ARF1: variants seen among roughly 807,000 people sequenced by gnomAD.
The protein encoded by ARF1 is ADP-ribosylation factor 1.
In ARF1, 1 loss-of-function variant was observed where a neutral mutation model predicts 18.0. The observed-to-expected ratio is 0.06, with a 90% CI of 0.02 to 0.26. The LOEUF is 0.26. Among genes scored for constraint, ARF1 ranks in the 10% least tolerant of loss-of-function variants. The pLI is 1.00. For synonymous variants in ARF1, 112 were observed against 96.3 expected (o/e 1.16, Z -0.95); for missense variants, 73 against 247.2 (o/e 0.30, Z 4.73).
chr1:228,091,350 C>G (rs1325836973), intron 1 of ARF1, among the ~76,000 whole-genome samples: 1 of 152,210 alleles, frequency 6.6e-6, no homozygotes, highest in Non-Finnish European at 1.5e-5. Context: ...AGAGGGGACC[C>G]TTGTGCCTCG....
intron 1 of ARF1, among the ~76,000 whole-genome samples, chr1:228,094,345 C>T (rs1050643404): frequency 4.6e-5 from 7 of 152,226 alleles, no homozygotes; most frequent in East Asian, 1.9e-4. Context: ...CACACACCCT[C>T]GCCTCAGCTT....
chr1:228,097,705 C>T lies in ARF1; in HGVS notation c.374C>T (p.Ala125Val). The T allele has an allele frequency of 6.2e-7, 1 of 1,609,472 alleles. No individual in the cohort carries two copies. The highest frequency in any genetic ancestry group is 8.5e-7 in the Non-Finnish European group (1 of 1,177,110). ...CGGGATGCTGTCCTCCTGGTGTTCGCCAACAAGCAGGTAGGCGCCCGGGCC... is the reference window on the plus strand; with the variant it reads ...CGGGATGCTGTCCTCCTGGTGTTCGTCAACAAGCAGGTAGGCGCCCGGGCC... ...ELRDAVLLVFANKQDLPNAMN... is the reference protein window; with the variant it reads ...ELRDAVLLVFVNKQDLPNAMN... The change falls in exon 4 of 5, where the codon GCC becomes GTC. Residue 125 changes from alanine to valine, a missense_variant. Ala to Val is a moderately conservative substitution (Grantham distance 64). Around this residue, in one of 3 missense-constraint regions of ARF1, gnomAD observed 48 missense variants for 144.7 expected, o/e 0.33. Coordinates refer to ENST00000272102, the MANE Select transcript of ARF1 (RefSeq NM_001658.4). The surrounding 1 kb of genome is among the most constrained non-coding windows in gnomAD (Gnocchi z 8.1).
At position 228,098,018 on chromosome 1, in the gene ARF1, G is replaced by A. The variant is rs368278171; in HGVS notation, c.*5G>A. On this transcript the variant is annotated 3_prime_UTR_variant, in exon 5 of 5. Coordinates refer to ENST00000272102, the MANE Select transcript of ARF1 (RefSeq NM_001658.4). The stretch of plus-strand genomic sequence containing the variant: ...CAGCTCCGGAACCAGAAGTGAACGC[G>A]ACCCCCCTCCCTCTCACTCCTCTTG... 4.5e-5 allele frequency: 72 copies of A among 1,608,308 alleles called. No individual in the cohort carries two copies. The highest frequency in any genetic ancestry group is 1.5e-4 in the South Asian group (14 of 90,626).
At chr1:228,083,257 C>T (rs2032279718) in intron 1 of ARF1, 2 of 152,302 alleles carry the variant, frequency 1.3e-5, no homozygotes, top group Non-Finnish European at 2.9e-5. Flanking sequence ...GGACCCCCGC[C>T]TCGGGGACCG....
Position 228,098,118 on chromosome 1 carries a change from C to A in ARF1, c.*105C>A. ...CCAGAAGCTGCCTCCGTGGTTTGGT[C>A]ACCGTGTGCATCGCACCGTGCTGTA... On this transcript the variant is annotated 3_prime_UTR_variant, in exon 5 of 5. Coordinates refer to ENST00000272102, the MANE Select transcript of ARF1 (RefSeq NM_001658.4). 2 of 1,395,436 alleles carry A rather than the reference C, an allele frequency of 1.4e-6. No homozygotes were observed. Among genetic ancestry groups the A allele is most frequent in the South Asian group, 2.8e-5 (2 of 70,944 alleles). The allele number at this position is 1,395,436 out of a possible 1,614,324, so 86.4% of individuals were successfully genotyped here. A position where few individuals can be genotyped will look rare whatever the true frequency, so the allele number is the denominator to read the frequency against.
chr1:228,083,039 C>T (rs1023188111), intron 1 of ARF1: 3 of 152,484 alleles, frequency 2.0e-5, no homozygotes, highest in African/African-American at 2.4e-5. Flanking sequence ...CCTCCTCTGC[C>T]TGTCCCTGCC....
intron 1 of ARF1, among the ~76,000 whole-genome samples, chr1:228,094,399 C>A (rs1016801102): frequency 6.6e-6 from 1 of 152,190 alleles, no homozygotes; most frequent in African/African-American, 2.4e-5. Context: ...CCTGAGTATC[C>A]TCCACCATAT....
At position 228,089,841 on chromosome 1, in the gene ARF1, C is replaced by T. The variant is rs2032520125; in HGVS notation, c.-38+7076C>T. On this transcript the variant is annotated intron_variant, in intron 1 of 4. Coordinates refer to ENST00000272102, the MANE Select transcript of ARF1 (RefSeq NM_001658.4). This position sits in a 1 kb window ranked among gnomAD's most constrained non-coding sequence, Gnocchi z 4.1. ...GGGCCTATGTTCGTCCAGAACAGTG[C>T]CTGGCAGTAGCTCAGTGCCCAGCAT... Among the ~76,000 whole-genome samples the T allele has an allele frequency of 6.6e-6, 1 of 152,128 alleles. No individual in the cohort carries two copies. The highest frequency in any genetic ancestry group is 1.5e-5 in the Non-Finnish European group (1 of 68,016).
intron 1 of ARF1, among the ~76,000 whole-genome samples, chr1:228,093,612 G>A (rs1357753740): frequency 3.0e-5 from 4 of 135,436 alleles, no homozygotes; most frequent in African/African-American, 5.4e-5. Flanking sequence ...GACTCTTAAC[G>A]CTTTGGTCTG....
intron 1 of ARF1, among the ~76,000 whole-genome samples, chr1:228,094,042 T>A (rs559597347): frequency 4.0e-5 from 6 of 150,828 alleles, no homozygotes; most frequent in Non-Finnish European, 8.8e-5. Context: ...GGCTGCATGA[T>A]CTCCTGGGCA....
chr1:228,091,730 A>C (rs887180056), intron 1 of ARF1, among the ~76,000 whole-genome samples: 7 of 152,188 alleles, frequency 4.6e-5, no homozygotes, highest in Admixed American at 6.5e-5. Context: ...ATAGTGACAA[A>C]ATGTAATGCA....
intron 1 of ARF1, chr1:228,083,351 C>T (rs774872924): frequency 6.6e-6 from 1 of 152,322 alleles, no homozygotes. Context: ...CGACTCCATC[C>T]AGTTCGTGTT....
intron 1 of ARF1, among the ~76,000 whole-genome samples, chr1:228,085,658 G>GACA (rs199638762): frequency 1.2e-3 from 177 of 152,332 alleles, no homozygotes; most frequent in African/African-American, 4.1e-3. Flanking sequence ...AAGCCTAAAT[G>GACA]ACAAGAGAAG....
chr1:228,096,670 T>C lies in ARF1; in HGVS notation c.-37-408T>C, dbSNP rs73092957. Among the ~76,000 whole-genome samples the C allele has an allele frequency of 9.9e-3, 1,510 of 152,344 alleles. 30 individuals carry two copies. Among genetic ancestry groups the C allele is most frequent in the African/African-American group, 0.033 (1,390 of 41,580 alleles). On this transcript the variant is annotated intron_variant, in intron 1 of 4. Coordinates refer to ENST00000272102, the MANE Select transcript of ARF1 (RefSeq NM_001658.4). ...CTGCTGAGTCTGGCGTGGCCCTGTGTGCTCTGGTCCTTGTGAGTGTGGGCA... is the reference window on the plus strand; with the variant it reads ...CTGCTGAGTCTGGCGTGGCCCTGTGCGCTCTGGTCCTTGTGAGTGTGGGCA...
Position 228,097,942 on chromosome 1 carries a change from T to G in ARF1, c.475T>G (p.Cys159Gly), listed in dbSNP as rs1444487351. 1 of 1,614,192 alleles carries G rather than the reference T, an allele frequency of 6.2e-7. No individual in the cohort carries two copies. Among genetic ancestry groups the G allele is most frequent in the Non-Finnish European group, 8.5e-7 (1 of 1,180,030 alleles). The change falls in exon 5 of 5, where the codon TGC becomes GGC. Residue 159 changes from cysteine to glycine, a missense_variant. By Grantham distance (159) the Cys-to-Gly change is radical. Transcript: ENST00000272102. The surrounding 1 kb of genome is among the most constrained non-coding windows in gnomAD (Gnocchi z 8.1). ...RHRNWYIQAT[C>G]ATSGDGLYEG... Reference sequence around the variant, plus strand: ...CAGGAACTGGTACATTCAGGCCACCTGCGCCACCAGCGGCGACGGGCTCTA... The same window carrying G: ...CAGGAACTGGTACATTCAGGCCACCGGCGCCACCAGCGGCGACGGGCTCTA...
chr1:228,097,967 A>T lies in ARF1; in HGVS notation c.500A>T (p.Tyr167Phe). Residue 167 changes from tyrosine to phenylalanine, a missense_variant, in exon 5 of 5, where the codon TAT (tyrosine) becomes TTT (phenylalanine). Physicochemically the swap from Tyr to Phe is conservative, Grantham distance 22 (BLOSUM62 3). Transcript: ENST00000272102. The surrounding 1 kb of genome is among the most constrained non-coding windows in gnomAD (Gnocchi z 8.1). ...TGCGCCACCAGCGGCGACGGGCTCT[A>T]TGAAGGACTGGACTGGCTGTCCAAT... ...ATCATSGDGL[Y>F]EGLDWLSNQL... 1 of 1,614,192 alleles carries T rather than the reference A, an allele frequency of 6.2e-7. No individual in the cohort carries two copies. The highest frequency in any genetic ancestry group is 8.5e-7 in the Non-Finnish European group (1 of 1,180,040).
intron 1 of ARF1, among the ~76,000 whole-genome samples, chr1:228,094,531 G>T (rs758863119): frequency 3.3e-5 from 5 of 152,024 alleles, no homozygotes; most frequent in Non-Finnish European, 5.9e-5. Flanking sequence ...CCCATAATAA[G>T]AATACGTAGG....
intron 1 of ARF1, among the ~76,000 whole-genome samples, chr1:228,092,492 C>G (rs941528258): frequency 6.6e-6 from 1 of 152,198 alleles, no homozygotes; most frequent in African/African-American, 2.4e-5. Flanking sequence ...GTAAGCAGAG[C>G]ACATCATGTG....
rs921717831 is a variant in ARF1, at chr1:228,089,827, C to T, written c.-38+7062C>T. On this transcript the variant is annotated intron_variant, in intron 1 of 4. Transcript: ENST00000272102. The surrounding 1 kb of genome is among the most constrained non-coding windows in gnomAD (Gnocchi z 4.1). Reference sequence around the variant, plus strand: ...CCCCACACAATGGTGGGCCTATGTTCGTCCAGAACAGTGCCTGGCAGTAGC... The same window carrying T: ...CCCCACACAATGGTGGGCCTATGTTTGTCCAGAACAGTGCCTGGCAGTAGC... Among the ~76,000 whole-genome samples the T allele has an allele frequency of 3.3e-5, 5 of 152,098 alleles. No homozygotes were observed. Among genetic ancestry groups the T allele is most frequent in the Non-Finnish European group, 5.9e-5 (4 of 68,020 alleles).
Sources: gnomAD v4.1 joint callset for allele counts (sites outside exome capture counted in the v4.1 genomes callset) on GRCh38, gnomAD v4.1.1 for gene constraint, gnomAD v4.1.1 regional missense constraint, Gnocchi (gnomAD v3.1) non-coding constraint, MANE v1.5 for transcripts, NCBI Gene and HGNC (gene_info 2026-07-23, HGNC 2026-07-21) for gene names.